The following TNRC6A variants were observed in gnomAD, a reference collection of about 807,000 sequenced individuals.
TNRC6A encodes trinucleotide repeat containing adaptor 6A.
TNRC6A carries 44 observed loss-of-function variants against 221.2 expected under a neutral mutation model. The observed-to-expected ratio is 0.20, with a 90% CI of 0.16 to 0.26. TNRC6A has a LOEUF of 0.26. Among genes scored for constraint, TNRC6A ranks in the 10% least tolerant of loss-of-function variants. The probability of loss-of-function intolerance (pLI) is 1.00; values close to 1 mark genes in which losing one functional copy is unlikely to be tolerated. For synonymous variants in TNRC6A, 847 were observed against 838.5 expected, an observed-to-expected ratio of 1.01 and a Z score of -0.18; for missense variants, 2,199 against 2,404.4, an observed-to-expected ratio of 0.91 and a Z score of 1.79.
chr16:24,668,808 C>A (rs1451744421), intron 2 of TNRC6A, among the ~76,000 whole-genome samples: 1 of 152,194 alleles, frequency 6.6e-6, no homozygotes, highest in African/African-American at 2.4e-5. Flanking sequence ...TGCTTTGCAG[C>A]ACTTCTGATT....
chr16:24,812,877 CTTTTTTTT>C (rs71383720), intron 18 of TNRC6A, among the ~76,000 whole-genome samples: 1 of 74,992 alleles, frequency 1.3e-5, no homozygotes, highest in African/African-American at 5.4e-5. Flanking sequence ...ACCTCTTGGG[CTTTTTTTT>C]TTTTTTTTTT....
chr16:24,704,683 A>AAAAAAAAAAAAAAAAAAAG (rs2056061173), intron 2 of TNRC6A, among the ~76,000 whole-genome samples: 1 of 145,080 alleles, frequency 6.9e-6, no homozygotes, highest in South Asian at 2.2e-4. Flanking sequence ...AAAAAAAAAA[A>AAAAAAAAAAAAAAAAAAAG]AAAAAAAAAA....
At chr16:24,785,098 A>G (rs562439023) in intron 5 of TNRC6A, among the ~76,000 whole-genome samples, 4 of 152,318 alleles carry the variant, frequency 2.6e-5, no homozygotes, top group Non-Finnish European at 5.9e-5. Flanking sequence ...TTGAAATAGT[A>G]TCTTTGACAT....
intron 6 of TNRC6A, 120 bp from the exon 7 acceptor site, chr16:24,793,353 A>T (rs939034344): frequency 3.5e-6 from 2 of 572,976 alleles, no homozygotes; most frequent in East Asian, 6.4e-5. Context: ...CAGTATCATT[A>T]TTCAGTACAT....
At chr16:24,726,688 G>C (rs1021394022), upstream of TNRC6A, among the ~76,000 whole-genome samples, 3 of 152,178 alleles carry the variant, frequency 2.0e-5, no homozygotes, top group African/African-American at 4.8e-5. Flanking sequence ...CAGAAAAATG[G>C]AGCTGGAGAG....
intron 2 of TNRC6A, among the ~76,000 whole-genome samples, chr16:24,673,773 G>T (rs1272579412): frequency 6.6e-6 from 1 of 152,102 alleles, no homozygotes; most frequent in Non-Finnish European, 1.5e-5. Context: ...CCCAGGGCTG[G>T]TCTTGAACTC....
intron 17 of TNRC6A, 36 bp downstream of exon 17, chr16:24,806,820 C>G (rs367909769): frequency 9.4e-6 from 15 of 1,599,582 alleles, no homozygotes; most frequent in Non-Finnish European, 1.2e-5. Flanking sequence ...TGGACTGATG[C>G]TTAGGTATCA....
intron 2 of TNRC6A, among the ~76,000 whole-genome samples, chr16:24,676,330 T>C (rs2055420067): frequency 6.6e-6 from 1 of 152,150 alleles, no homozygotes. Context: ...AGTCTCTTGC[T>C]CTGTTGCCCA....
At chr16:24,822,182 C>A (rs747797209) in intron 23 of TNRC6A, 35 bp downstream of exon 23, 4 of 1,602,782 alleles carry the variant, frequency 2.5e-6, no homozygotes, top group Non-Finnish European at 3.4e-6. Context: ...TATGTGGCTA[C>A]GCCAGGGAGC....
chr16:24,774,922 T>A (rs1207700701), intron 4 of TNRC6A, among the ~76,000 whole-genome samples: 1 of 152,220 alleles, frequency 6.6e-6, no homozygotes, highest in Non-Finnish European at 1.5e-5. Context: ...ATAATGTAAA[T>A]GCTGTGTAAA....
chr16:24,815,396 G>A (rs545669692), intron 19 of TNRC6A, 91 bp downstream of exon 19: 283 of 1,448,488 alleles, frequency 2.0e-4, no homozygotes, highest in Non-Finnish European at 2.6e-4. Flanking sequence ...AGCCCAGATC[G>A]GCGTGCTTAG....
intron 7 of TNRC6A, 24 bp from the exon 8 acceptor site, chr16:24,794,520 T>A (rs1307425156): frequency 1.3e-6 from 2 of 1,596,944 alleles, no homozygotes; most frequent in African/African-American, 2.7e-5. Flanking sequence ...TATGTTTCTC[T>A]TTATATCACA....
chr16:24,695,223 G>A (rs2055833863), intron 2 of TNRC6A, among the ~76,000 whole-genome samples: 1 of 152,102 alleles, frequency 6.6e-6, no homozygotes, highest in Non-Finnish European at 1.5e-5. Context: ...CAGCGAGCCA[G>A]TGGTGGGAAG....
chr16:24,638,463 A>G (rs1345811646), intron 1 of TNRC6A, among the ~76,000 whole-genome samples: 2 of 152,162 alleles, frequency 1.3e-5, no homozygotes, highest in Non-Finnish European at 2.9e-5. Flanking sequence ...CTGTAATCCC[A>G]GGACTTTGGG....
intron 1 of TNRC6A, among the ~76,000 whole-genome samples, chr16:24,623,462 C>T (rs923477292): frequency 1.3e-5 from 2 of 152,120 alleles, no homozygotes; most frequent in Non-Finnish European, 2.9e-5. Flanking sequence ...TCTCATGAGT[C>T]TGCAGATCAG....
At chr16:24,738,612 T>C (rs2056823751) in intron 2 of TNRC6A, among the ~76,000 whole-genome samples, 2 of 152,256 alleles carry the variant, frequency 1.3e-5, no homozygotes, top group African/African-American at 4.8e-5. Context: ...TCATGTCGCA[T>C]ATATCCTTTA....
intron 2 of TNRC6A, among the ~76,000 whole-genome samples, chr16:24,717,770 C>CTTTTTTTTTTTTTTT (rs71383705): frequency 1.6e-4 from 17 of 107,352 alleles, no homozygotes; most frequent in Non-Finnish European, 2.2e-4. Flanking sequence ...TTTTTTTTTT[C>CTTTTTTTTTTTTTTT]TTTTTTTTTT....
Position 24,823,765 on chromosome 16 carries a change from T to C in TNRC6A, c.5847T>C (p.Phe1949=). The C allele has an allele frequency of 6.7e-7, 1 of 1,486,720 alleles. No homozygotes were observed. The highest frequency in any genetic ancestry group is 8.9e-7 in the Non-Finnish European group (1 of 1,118,326). The allele number at this position is 1,486,720 out of a possible 1,614,324, so 92.1% of individuals were successfully genotyped here. A position where few individuals can be genotyped will look rare whatever the true frequency, so the allele number is the denominator to read the frequency against. Residue 1949 remains phenylalanine (F), a synonymous_variant, in exon 25 of 25, where the codon TTT becomes TTC. Coordinates refer to ENST00000395799, the MANE Select transcript of TNRC6A (RefSeq NM_014494.4). The surrounding 1 kb of genome is among the most constrained non-coding windows in gnomAD (Gnocchi z 4.3). ...GCAGCCCATCTCCCATTAACGCTTT[T>C]CTTTCTGTTGACCACCTGGGTGGGG... ...GISSPSPINA[F]LSVDHLGGGG...
intron 2 of TNRC6A, among the ~76,000 whole-genome samples, chr16:24,686,217 C>T (rs887459113): frequency 2.0e-5 from 3 of 152,136 alleles, no homozygotes; most frequent in East Asian, 1.9e-4. Context: ...AATGCAGAGG[C>T]GTCTGGGCAA....
Sources: allele counts gnomAD v4.1 joint callset (sites outside exome capture counted in the v4.1 genomes callset), GRCh38; gene constraint gnomAD v4.1.1; non-coding constraint Gnocchi (gnomAD v3.1); transcripts MANE v1.5; gene names NCBI Gene and HGNC (gene_info 2026-07-23, HGNC 2026-07-21).